TTC23L: variants seen among roughly 807,000 people sequenced by gnomAD.
TTC23L encodes the protein tetratricopeptide repeat domain 23 like, also known as tetratricopeptide repeat protein 23-like.
Under a neutral mutation model 48.1 loss-of-function variants are expected in TTC23L, and 42 were observed. That is an observed-to-expected ratio of 0.87 (90% CI 0.68 to 1.13). The LOEUF (loss-of-function observed/expected upper bound fraction) is 1.13. Ranked by LOEUF, TTC23L falls within the 50% of genes most tolerant of loss-of-function variation. The pLI, the probability that TTC23L is intolerant of heterozygous loss-of-function variation, is 0.00. For missense variants in TTC23L, 391 were observed against 421.0 expected (o/e 0.93, Z 0.62); for synonymous variants, 159 against 157.2 (o/e 1.01, Z -0.09).
In TTC23L at chr5:34,846,600, T is replaced by TATATATATATATAC. The variant is rs61009546; in HGVS notation, c.255+928_255+929insTATATATATATACA. ...AAATATATATATATATATATATATA[T>TATATATATATATAC]ACACACACATATATATACACACACA... On this transcript the variant is annotated intron_variant, in intron 3 of 10. Transcript: ENST00000505624. Among the ~76,000 whole-genome samples, 53 of 92,896 alleles carry TATATATATATATAC rather than the reference T, an allele frequency of 5.7e-4. 2 individuals carry two copies. Among genetic ancestry groups the TATATATATATATAC allele is most frequent in the African/African-American group, 2.6e-3 (49 of 19,204 alleles). 60.9% of individuals were successfully genotyped at this position (92,896 alleles called of 152,430 possible). A position where few individuals can be genotyped will look rare whatever the true frequency, so the allele number is the denominator to read the frequency against.
At chr5:34,905,274 A>G in the TTC23L span, 1 of 152,246 alleles carries the variant, frequency 6.6e-6, no homozygotes, top group Non-Finnish European at 1.5e-5. Context: ...TCAGGACCCA[A>G]TAGATTTTAT....
exon 7 of TTC23L, chr5:34,866,953 G>A (rs765847656): frequency 8.1e-6 from 13 of 1,610,184 alleles, no homozygotes; most frequent in African/African-American, 5.3e-5. Context: ...GGCAATTGGC[G>A]ATGTTATTGC....
chr5:34,884,054 A>G (rs1580478040), intron 9 of TTC23L, among the ~76,000 whole-genome samples: 1 of 152,328 alleles, frequency 6.6e-6, no homozygotes, highest in East Asian at 1.9e-4. Flanking sequence ...AGAGTCATGC[A>G]CCATCACCAA....
At chr5:34,846,483 C>G (rs1357947944) in intron 3 of TTC23L, among the ~76,000 whole-genome samples, 1 of 147,218 alleles carries the variant, frequency 6.8e-6, no homozygotes, top group Non-Finnish European at 1.5e-5. Flanking sequence ...TTGCTGGAAC[C>G]CAGGAGGCAG....
At chr5:34,907,451 G>A in the TTC23L span, 1 of 152,104 alleles carries the variant, frequency 6.6e-6, no homozygotes, top group Non-Finnish European at 1.5e-5. Context: ...TTGTCACCTG[G>A]TACAGTAACA....
chr5:34,845,476 C>A lies in TTC23L; in HGVS notation c.69-11C>A, dbSNP rs185729708. ...TTAAATCCTGAATCCTTGCCTCTCT[C>A]ATACCTACAGGTCACAGCAAACCGA... On this transcript the variant is annotated splice_polypyrimidine_tract_variant and intron_variant, in intron 2 of 10. Coordinates refer to ENST00000505624, the Ensembl canonical transcript of TTC23L. The A allele has an allele frequency of 1.9e-6, 3 of 1,608,910 alleles. No individual in the cohort carries two copies. Among genetic ancestry groups the A allele is most frequent in the South Asian group, 1.1e-5 (1 of 90,370 alleles).
intron 1 of TTC23L, chr5:34,839,669 CAG>C: frequency 2.0e-6 from 2 of 985,244 alleles, no homozygotes; most frequent in Non-Finnish European, 2.4e-6. Flanking sequence ...GAAAGCCACT[CAG>C]GGCTCGGTGG....
intron 1 of TTC23L, among the ~76,000 whole-genome samples, chr5:34,840,419 A>G (rs1758551814): frequency 6.6e-6 from 1 of 152,190 alleles, no homozygotes. Context: ...TGAGACATAA[A>G]GGCCAGGGAT....
At chr5:34,857,308 G>T (rs1760209825) in intron 4 of TTC23L, among the ~76,000 whole-genome samples, 1 of 152,146 alleles carries the variant, frequency 6.6e-6, no homozygotes, top group African/African-American at 2.4e-5. Flanking sequence ...CTGAAATTCT[G>T]CTTATTAATG....
chr5:34,918,478 GC>G, the TTC23L span: 2 of 1,555,042 alleles, frequency 1.3e-6, no homozygotes, highest in Non-Finnish European at 1.8e-6. Context: ...TAAAGCAGGT[GC>G]CTTTATATCA....
intron 4 of TTC23L, among the ~76,000 whole-genome samples, chr5:34,858,744 G>A (rs1283088386): frequency 6.6e-6 from 1 of 152,096 alleles, no homozygotes; most frequent in African/African-American, 2.4e-5. Flanking sequence ...TTGCATACCT[G>A]TAGAGTTCAT....
exon 2 of TTC23L, chr5:34,840,691 G>T (rs779253473): frequency 2.5e-6 from 4 of 1,613,740 alleles, no homozygotes; most frequent in Non-Finnish European, 3.4e-6. Flanking sequence ...AGCCCCATCC[G>T]TATCCCAACT....
intron 4 of TTC23L, chr5:34,860,751 A>G (rs1227650668): frequency 6.6e-6 from 1 of 152,118 alleles, no homozygotes; most frequent in Non-Finnish European, 1.5e-5. Context: ...GCAGTTTTTA[A>G]TGAAAGGTGT....
chr5:34,907,269 T>C, the TTC23L span: 2 of 152,352 alleles, frequency 1.3e-5, no homozygotes, highest in African/African-American at 2.4e-5. Context: ...CAACAATGAA[T>C]AGTTTGGCAC....
At chr5:34,869,268 C>T (rs1761281219) in intron 8 of TTC23L, 2 of 400,434 alleles carry the variant, frequency 5.0e-6, no homozygotes, top group East Asian at 5.4e-5. Context: ...GTGAGATTCA[C>T]CTTCTTAACT....
chr5:34,885,538 A>G (rs943533272), intron 9 of TTC23L, among the ~76,000 whole-genome samples: 2 of 152,150 alleles, frequency 1.3e-5, no homozygotes, highest in African/African-American at 4.8e-5. Context: ...TGAGCCCAGG[A>G]GTTCATGACC....
intron 8 of TTC23L, chr5:34,869,986 A>C (rs1325178322): frequency 3.9e-5 from 6 of 152,018 alleles, no homozygotes; most frequent in Non-Finnish European, 1.5e-5. Context: ...ATACAACTTG[A>C]GCTTTTTAAG....
At chr5:34,858,452 TTG>T (rs889774481) in intron 4 of TTC23L, among the ~76,000 whole-genome samples, 3 of 152,176 alleles carry the variant, frequency 2.0e-5, no homozygotes, top group Non-Finnish European at 4.4e-5. Flanking sequence ...GGAGGAAGCC[TTG>T]TGGTTTTTTT....
the TTC23L span, chr5:34,907,156 G>A: frequency 6.6e-6 from 1 of 152,138 alleles, no homozygotes; most frequent in Non-Finnish European, 1.5e-5. Context: ...ACACTTTGCT[G>A]TAATACTCTC....
Sources: gnomAD v4.1 joint callset for allele counts (sites outside exome capture counted in the v4.1 genomes callset) on GRCh38, gnomAD v4.1.1 for gene constraint, MANE v1.5 for transcripts, NCBI Gene and HGNC (gene_info 2026-07-23, HGNC 2026-07-21) for gene names.